DCP1B: variants seen among roughly 807,000 people sequenced by gnomAD.
The protein encoded by DCP1B is mRNA-decapping enzyme 1B.
Under a neutral mutation model 60.5 loss-of-function variants are expected in DCP1B, and 47 were observed. The observed-to-expected ratio is 0.78, with a 90% CI of 0.61 to 0.99. DCP1B has a LOEUF of 0.99. DCP1B is among the 50% of genes least tolerant of loss of function. The pLI is 0.00. For synonymous variants in DCP1B, 267 were observed against 280.3 expected, an observed-to-expected ratio of 0.95 and a Z score of 0.47; for missense variants, 725 against 756.8, an observed-to-expected ratio of 0.96 and a Z score of 0.49.
chr12:1,982,710 A>G (rs1354865212), intron 3 of DCP1B, among the ~76,000 whole-genome samples: 3 of 152,112 alleles, frequency 2.0e-5, no homozygotes, highest in African/African-American at 7.2e-5. Context: ...GAGGATTTTT[A>G]TACCTATATT....
intron 3 of DCP1B, among the ~76,000 whole-genome samples, chr12:1,968,748 T>C (rs1388118824): frequency 1.3e-5 from 2 of 152,110 alleles, no homozygotes; most frequent in African/African-American, 4.8e-5. Flanking sequence ...CTGGAAAAAA[T>C]AAAATTTAAT....
At chr12:1,990,538 G>T (rs2039098130) in intron 3 of DCP1B, among the ~76,000 whole-genome samples, 2 of 151,822 alleles carry the variant, frequency 1.3e-5, no homozygotes, top group African/African-American at 4.8e-5. Flanking sequence ...TTCAAGAAAG[G>T]GATTTTTTTT....
At chr12:1,996,616 TAAAAAAAAAAAAAAAAAAAAAAAAAA>T (rs78563698) in intron 2 of DCP1B, among the ~76,000 whole-genome samples, 1 of 18,832 alleles carries the variant, frequency 5.3e-5, no homozygotes, top group Admixed American at 8.1e-4. Flanking sequence ...GCTGATGAGC[TAAAAAAAAAAAAAAAAAAAAAAAAAA>T]AAAAAAAAAA....
At chr12:1,990,006 T>A (rs1344576015) in intron 3 of DCP1B, among the ~76,000 whole-genome samples, 1 of 152,206 alleles carries the variant, frequency 6.6e-6, no homozygotes, top group Non-Finnish European at 1.5e-5. Flanking sequence ...CTAAAATAAC[T>A]AAGTGTTTGT....
chr12:1,989,991 G>A (rs560118781), intron 3 of DCP1B, among the ~76,000 whole-genome samples: 7 of 152,232 alleles, frequency 4.6e-5, no homozygotes, highest in African/African-American at 9.6e-5. Context: ...ACCTTGGAGC[G>A]TACTCTAAAA....
intron 3 of DCP1B, among the ~76,000 whole-genome samples, chr12:1,977,895 T>A (rs995581988): frequency 6.6e-6 from 1 of 152,236 alleles, no homozygotes; most frequent in African/African-American, 2.4e-5. Flanking sequence ...AGTTTATACT[T>A]CATAAGATGT....
At chr12:1,951,218 T>C (rs1592777724) in intron 7 of DCP1B, among the ~76,000 whole-genome samples, 2 of 152,034 alleles carry the variant, frequency 1.3e-5, no homozygotes, top group Non-Finnish European at 2.9e-5. Context: ...GAGGTTGCAG[T>C]GAGCCGAGAT....
rs12302021 is a variant in DCP1B at position 1,986,102 on chromosome 12, T to C, written c.319+7162A>G. On this transcript the variant is annotated intron_variant, in intron 3 of 8. Coordinates refer to ENST00000280665, the MANE Select transcript of DCP1B (RefSeq NM_152640.5). ...TGCTGGGATTACAGGCGTGAGCCACTGCGCCCAGCCGTCAGTTCTATTTTC... is the reference window on the plus strand; with the variant it reads ...TGCTGGGATTACAGGCGTGAGCCACCGCGCCCAGCCGTCAGTTCTATTTTC... 4.2e-3 allele frequency among the ~76,000 whole-genome samples: 644 copies of C among 152,334 alleles called. 8 individuals carry two copies. The highest frequency in any genetic ancestry group is 0.014 in the African/African-American group (580 of 41,578).
intron 1 of DCP1B, among the ~76,000 whole-genome samples, chr12:1,999,486 C>A (rs2041687375): frequency 6.6e-6 from 1 of 152,146 alleles, no homozygotes. Flanking sequence ...CTGAGGCAGG[C>A]AGGAGGATCG....
In DCP1B at chr12:1,948,985, AC is replaced by A. The variant is rs1480306887; in HGVS notation, c.1773+100del. 1 of 1,470,374 alleles carries A rather than the reference AC, an allele frequency of 6.8e-7. No homozygotes were observed. 91.1% of individuals were successfully genotyped at this position (1,470,374 alleles called of 1,614,324 possible). On this transcript the variant is annotated intron_variant, in intron 8 of 8. Coordinates refer to ENST00000280665, the MANE Select transcript of DCP1B (RefSeq NM_152640.5). This position sits in a 1 kb window ranked among gnomAD's most constrained non-coding sequence, Gnocchi z 4.8. The stretch of plus-strand genomic sequence containing the variant: ...GTTGTTACACACACCTGTTATTCTC[AC>A]GGAAGCTAAGCAGGCCTTGGCTGAG...
rs2030509397 is a variant in DCP1B at position 1,948,153 on chromosome 12, G to T, written c.1773+933C>A. On this transcript the variant is annotated intron_variant, in intron 8 of 8. Transcript: ENST00000280665. This position sits in a 1 kb window ranked among gnomAD's most constrained non-coding sequence, Gnocchi z 4.8. ...AAATATGTTAACTGGGGTGTCTGAA[G>T]TCTGTCTGGCTACAAATGTTCCACT... Among the ~76,000 whole-genome samples, 1 of 152,254 alleles carries T rather than the reference G, an allele frequency of 6.6e-6. No homozygotes were observed. Among genetic ancestry groups the T allele is most frequent in the Non-Finnish European group, 1.5e-5 (1 of 68,050 alleles).
Position 1,967,836 on chromosome 12 carries a change from GTACT to G in DCP1B, c.386+4_386+7del. ...GTCCTGAAAAATATTTAGCCTTTTA[GTACT>G]TACTTTTTCATAAGCTCTGCAATTC... On this transcript the variant is annotated splice_donor_5th_base_variant and intron_variant, in intron 4 of 8. Coordinates refer to ENST00000280665, the MANE Select transcript of DCP1B (RefSeq NM_152640.5). The G allele has an allele frequency of 6.2e-7, 1 of 1,611,004 alleles. No homozygotes were observed. The highest frequency in any genetic ancestry group is 8.5e-7 in the Non-Finnish European group (1 of 1,178,674).
At chr12:1,994,184 A>T (rs2040231693) in intron 2 of DCP1B, among the ~76,000 whole-genome samples, 1 of 152,246 alleles carries the variant, frequency 6.6e-6, no homozygotes, top group African/African-American at 2.4e-5. Flanking sequence ...TGACAGCCAT[A>T]TAGTAATTCA....
chr12:1,949,318 C>A lies in DCP1B; in HGVS notation c.1541G>T (p.Arg514Leu). ...TPLFQVISPQ[R>L]IPATAAPSLL... ...AGACGGAGCTGCTGTAGCAGGGATG[C>A]GCTGAGGTGAGATGACCTGCTCACA... Residue 514 changes from arginine (R) to leucine (L), a missense_variant, in exon 8 of 9, where the codon CGC (arginine) becomes CTC (leucine). Transcript: ENST00000280665. 6.2e-7 allele frequency: 1 copy of A among 1,613,932 alleles called. No homozygotes were observed. The highest frequency in any genetic ancestry group is 8.5e-7 in the Non-Finnish European group (1 of 1,179,998).
chr12:1,991,174 G>A, intron 3 of DCP1B: 1 of 456,172 alleles, frequency 2.2e-6, no homozygotes, highest in East Asian at 6.9e-5. Context: ...TGTGGAAAAA[G>A]CAACGGAAGT....
chr12:1,958,611 T>C (rs1034668524), intron 5 of DCP1B, among the ~76,000 whole-genome samples: 6 of 149,104 alleles, frequency 4.0e-5, no homozygotes, highest in East Asian at 2.0e-4. Context: ...TGACTTTTTC[T>C]ATAAACCTCC....
rs920945499 is a variant in DCP1B at position 1,948,201 on chromosome 12, C to A, written c.1773+885G>T. 9.9e-5 allele frequency among the ~76,000 whole-genome samples: 15 copies of A among 152,232 alleles called. No individual in the cohort carries two copies. The highest frequency in any genetic ancestry group is 2.1e-4 in the Non-Finnish European group (14 of 68,040). On this transcript the variant is annotated intron_variant, in intron 8 of 8. Transcript: ENST00000280665. The surrounding 1 kb of genome is among the most constrained non-coding windows in gnomAD (Gnocchi z 4.8). ...ACTTTTCAAGGACTGCCGTTGATTTCTTGGGTGTGCTTTGCTAGGGCACCT... is the reference window on the plus strand; with the variant it reads ...ACTTTTCAAGGACTGCCGTTGATTTATTGGGTGTGCTTTGCTAGGGCACCT...
rs981519312 is a variant in DCP1B at position 1,971,092 on chromosome 12, G to A, written c.320-3182C>T. Reference sequence around the variant, plus strand: ...TTCGAGCCTTTGTTCAGCCTGGTACGCCTGCATACCAGCCGCTTCCCAGCC... The same window carrying A: ...TTCGAGCCTTTGTTCAGCCTGGTACACCTGCATACCAGCCGCTTCCCAGCC... On this transcript the variant is annotated intron_variant, in intron 3 of 8. Transcript: ENST00000280665. This position sits in a 1 kb window ranked among gnomAD's most constrained non-coding sequence, Gnocchi z 4.2. The A allele has an allele frequency of 3.5e-5, 45 of 1,289,264 alleles. No individual in the cohort carries two copies. The highest frequency in any genetic ancestry group is 4.2e-5 in the Non-Finnish European group (42 of 988,612). 79.9% of individuals were successfully genotyped at this position (1,289,264 alleles called of 1,614,324 possible). A position where few individuals can be genotyped will look rare whatever the true frequency, so the allele number is the denominator to read the frequency against.
intron 3 of DCP1B, among the ~76,000 whole-genome samples, chr12:1,984,221 T>C (rs1270777608): frequency 6.6e-6 from 1 of 152,124 alleles, no homozygotes; most frequent in East Asian, 1.9e-4. Context: ...CCCATTTACA[T>C]GTAACGTAAC....
Sources: gnomAD v4.1 joint callset for allele counts (sites outside exome capture counted in the v4.1 genomes callset) on GRCh38, gnomAD v4.1.1 for gene constraint, Gnocchi (gnomAD v3.1) non-coding constraint, MANE v1.5 for transcripts, NCBI Gene and HGNC (gene_info 2026-07-23, HGNC 2026-07-21) for gene names.